The following GDA variants were observed in gnomAD, a reference collection of about 807,000 sequenced individuals.
The protein encoded by GDA is guanine deaminase.
A neutral mutation model predicts 59.6 loss-of-function variants in GDA; 18 were observed. The ratio of observed to expected loss-of-function variants is 0.30; its 90% CI spans 0.21 to 0.45. GDA has a LOEUF of 0.45. Ranked by LOEUF, GDA falls within the 20% of genes least tolerant of loss-of-function variation. The probability of loss-of-function intolerance (pLI) is 1.00; values close to 1 mark genes in which losing one functional copy is unlikely to be tolerated. For missense variants in GDA, 427 were observed against 552.3 expected, an observed-to-expected ratio of 0.77 and a Z score of 2.27; for synonymous variants, 201 against 201.1, an observed-to-expected ratio of 1.00 and a Z score of 0.00.
intron 1 of GDA, among the ~76,000 whole-genome samples, chr9:72,168,387 T>C (rs1167845329): frequency 2.8e-5 from 4 of 142,268 alleles, no homozygotes; most frequent in African/African-American, 5.1e-5. Flanking sequence ...ACTGAGACTT[T>C]GTCTTTTTTT....
chr9:72,182,848 A>G (rs1831417014), intron 1 of GDA, among the ~76,000 whole-genome samples: 1 of 151,680 alleles, frequency 6.6e-6, no homozygotes, highest in African/African-American at 2.4e-5. Flanking sequence ...TTTACTTATC[A>G]TTGTGGACTC....
intron 10 of GDA, among the ~76,000 whole-genome samples, chr9:72,239,022 C>G (rs1240933413): frequency 6.6e-6 from 1 of 152,164 alleles, no homozygotes; most frequent in South Asian, 2.1e-4. Context: ...ATTTCTCTTT[C>G]TATCCTACCA....
chr9:72,149,017 A>G (rs1341736078), upstream of GDA, among the ~76,000 whole-genome samples: 1 of 152,178 alleles, frequency 6.6e-6, no homozygotes, highest in East Asian at 1.9e-4. Context: ...ATGCTTCCAG[A>G]ACCTTCCAGG....
chr9:72,114,866 C>T (rs567913473), intron 1 of GDA: 1 of 152,324 alleles, frequency 6.6e-6, no homozygotes, highest in South Asian at 2.1e-4. Context: ...CTACAGCACC[C>T]CAAAGAGGGA....
intron 1 of GDA, among the ~76,000 whole-genome samples, chr9:72,128,687 G>T (rs1473849392): frequency 6.6e-6 from 1 of 152,126 alleles, no homozygotes; most frequent in African/African-American, 2.4e-5. Flanking sequence ...AAGCCAGCAC[G>T]AAACCATCAC....
chr9:72,128,268 G>A (rs1587305041), intron 1 of GDA, among the ~76,000 whole-genome samples: 1 of 152,056 alleles, frequency 6.6e-6, no homozygotes, highest in South Asian at 2.1e-4. Context: ...GTGTTTATTC[G>A]TTATTCTGTG....
At chr9:72,254,758 T>C (rs943858667), downstream of GDA, among the ~76,000 whole-genome samples, 1 of 152,202 alleles carries the variant, frequency 6.6e-6, no homozygotes, top group Non-Finnish European at 1.5e-5. Context: ...ATAAAACCCA[T>C]AAGTGGATAA....
intron 1 of GDA, among the ~76,000 whole-genome samples, chr9:72,118,697 AC>A (rs1275222514): frequency 3.9e-5 from 6 of 152,198 alleles, no homozygotes; most frequent in Non-Finnish European, 7.3e-5. Context: ...ACCCTGAGAA[AC>A]ATTTTCATCC....
intron 1 of GDA, among the ~76,000 whole-genome samples, chr9:72,171,105 C>T (rs1829919474): frequency 6.6e-6 from 1 of 152,194 alleles, no homozygotes; most frequent in Non-Finnish European, 1.5e-5. Flanking sequence ...GCGTGAGCCA[C>T]CATCCACCGT....
chr9:72,219,442 G>T, intron 5 of GDA, 37 bp from the exon 6 acceptor site: 2 of 1,464,948 alleles, frequency 1.4e-6, no homozygotes, highest in Non-Finnish European at 1.9e-6. Flanking sequence ...AAAAGAAAAT[G>T]CTCAAGTTTT....
In GDA at chr9:72,248,458, T is replaced by A. The variant is rs543941373; in HGVS notation, c.*116T>A. The A allele has an allele frequency of 6.9e-5, 105 of 1,527,440 alleles. 2 individuals are homozygous for A. In the Middle Eastern group the frequency reaches 1.2e-3, roughly 18 times the overall value. 94.6% of individuals were successfully genotyped at this position (1,527,440 alleles called of 1,614,324 possible). On this transcript the variant is annotated 3_prime_UTR_variant, in exon 14 of 14. Transcript: ENST00000358399. ...ACCTTGTTCTTGGGATGACTATCCC[T>A]TTCTGTGTCTAGTTACAGTATTCAC...
chr9:72,193,930 G>C (rs974083871), intron 1 of GDA: 2 of 152,268 alleles, frequency 1.3e-5, no homozygotes, highest in Admixed American at 6.5e-5. Context: ...TGCCACCACA[G>C]GTCCCCTGGA....
chr9:72,144,992 T>C (rs550965209), upstream of GDA, among the ~76,000 whole-genome samples: 31 of 151,342 alleles, frequency 2.0e-4, no homozygotes, highest in African/African-American at 7.3e-4. Context: ...AAAGAATAAA[T>C]AAAATAGGCA....
chr9:72,241,797 G>A (rs1032333733), intron 11 of GDA, among the ~76,000 whole-genome samples: 1 of 152,286 alleles, frequency 6.6e-6, no homozygotes, highest in Middle Eastern at 3.4e-3. Context: ...GGAGGCTGAG[G>A]TGGGAGGATC....
At chr9:72,209,243 A>G (rs1184557528) in intron 3 of GDA, among the ~76,000 whole-genome samples, 4 of 151,920 alleles carry the variant, frequency 2.6e-5, no homozygotes, top group Non-Finnish European at 5.9e-5. Context: ...ATTATTTTTC[A>G]TATTTTTGTC....
chr9:72,137,195 A>G (rs1419356704), intron 1 of GDA, among the ~76,000 whole-genome samples: 4 of 101,326 alleles, frequency 3.9e-5, no homozygotes, highest in Non-Finnish European at 6.2e-5. Context: ...TTAAAAAATA[A>G]ATAAATAAAT....
At chr9:72,194,219 C>G (rs980272216) in intron 1 of GDA, 4 of 152,180 alleles carry the variant, frequency 2.6e-5, no homozygotes, top group African/African-American at 9.7e-5. Flanking sequence ...TGCCCCATAG[C>G]CACCACAGCT....
chr9:72,228,043 A>G lies in GDA; in HGVS notation c.920+3A>G. 2.0e-6 allele frequency: 3 copies of G among 1,471,324 alleles called. No individual in the cohort carries two copies. The highest frequency in any genetic ancestry group is 2.9e-6 in the Non-Finnish European group (3 of 1,051,384). 91.1% of individuals were successfully genotyped at this position (1,471,324 alleles called of 1,614,324 possible). On this transcript the variant is annotated splice_donor_region_variant and intron_variant, in intron 9 of 13. Transcript: ENST00000358399. Reference sequence around the variant, plus strand: ...CACTGTCCCAATTCTAATTTATCGTAAGTAGACAATGATTGTTTGGTAGAT... The same window carrying G: ...CACTGTCCCAATTCTAATTTATCGTGAGTAGACAATGATTGTTTGGTAGAT...
chr9:72,242,472 G>A (rs1395801399), intron 11 of GDA, among the ~76,000 whole-genome samples: 1 of 152,180 alleles, frequency 6.6e-6, no homozygotes, highest in Non-Finnish European at 1.5e-5. Flanking sequence ...TAGGTAGCTA[G>A]TGAGAAATTA....
Sources: allele counts gnomAD v4.1 joint callset (sites outside exome capture counted in the v4.1 genomes callset), GRCh38; gene constraint gnomAD v4.1.1; transcripts MANE v1.5; gene names NCBI Gene and HGNC (gene_info 2026-07-23, HGNC 2026-07-21).